Variants in RASA3 observed in about 807,000 individuals in gnomAD.
The protein encoded by RASA3 is RAS p21 protein activator 3.
In RASA3, 73 loss-of-function variants were observed where a neutral mutation model predicts 110.0. That is an observed-to-expected ratio of 0.66 (90% confidence interval 0.55 to 0.81). The LOEUF is 0.81. RASA3 is among the 30% of genes least tolerant of loss of function. RASA3 has a pLI of 0.00. For synonymous variants in RASA3, 500 were observed against 451.4 expected, an observed-to-expected ratio of 1.11 and a Z score of -1.37; for missense variants, 976 against 1,113.2, an observed-to-expected ratio of 0.88 and a Z score of 1.75.
rs114378677 is a variant in RASA3 at position 114,053,569 on chromosome 13, G to A, written c.174-1414C>T. Among the ~76,000 whole-genome samples, 916 of 152,326 alleles carry A rather than the reference G, an allele frequency of 6.0e-3. 2 individuals are homozygous for A. The highest frequency in any genetic ancestry group is 0.018 in the African/African-American group (731 of 41,554). On this transcript the variant is annotated intron_variant, in intron 2 of 23. Transcript: ENST00000334062. ...AGGTCAACGTGCTGGGCCAGGGGGC[G>A]TCCACACAGTCACCAACGGCACAGG...
chr13:113,999,499 G>A (rs2053333224), intron 20 of RASA3, 86 bp downstream of exon 20: 2 of 1,092,802 alleles, frequency 1.8e-6, no homozygotes, highest in Admixed American at 1.8e-5. Context: ...GGGGAAGGGT[G>A]AGCCCAGGGC....
chr13:114,067,074 C>T (rs1172355613), intron 2 of RASA3, among the ~76,000 whole-genome samples: 1 of 146,240 alleles, frequency 6.8e-6, no homozygotes, highest in South Asian at 2.2e-4. Context: ...GAGGACAGGC[C>T]CCCCAACCTG....
At position 114,114,756 on chromosome 13, in the gene RASA3, G is replaced by A. The variant is rs1318007636; in HGVS notation, c.55+17679C>T. On this transcript the variant is annotated intron_variant, in intron 1 of 23. Coordinates refer to ENST00000334062, the MANE Select transcript of RASA3 (RefSeq NM_007368.4). This position sits in a 1 kb window ranked among gnomAD's most constrained non-coding sequence, Gnocchi z 4.8. Reference sequence around the variant, plus strand: ...GTAAACCCGAGGGCAGGTTAAACACGCTCCCTCCAAAGCTTACTTGGCTTT... The same window carrying A: ...GTAAACCCGAGGGCAGGTTAAACACACTCCCTCCAAAGCTTACTTGGCTTT... 2.6e-5 allele frequency among the ~76,000 whole-genome samples: 4 copies of A among 152,192 alleles called. No homozygotes were observed. The highest frequency in any genetic ancestry group is 2.1e-4 in the South Asian group (1 of 4,834).
rs577352352 is a variant in RASA3, at chr13:114,127,834, C to A, written c.55+4601G>T. On this transcript the variant is annotated intron_variant, in intron 1 of 23. Transcript: ENST00000334062. The stretch of plus-strand genomic sequence containing the variant: ...AGCCCGTGGAGCTGGGGTGCTTGGG[C>A]CCAGATAAATCCGTGGGTCTCCCTT... Among the ~76,000 whole-genome samples the A allele has an allele frequency of 1.1e-4, 17 of 152,296 alleles. No homozygotes were observed. The South Asian group carries it at 3.5e-3, about 32-fold the overall frequency.
rs2053748046 is a variant in RASA3, at chr13:114,014,611, G to A, written c.1405+598C>T. Among the ~76,000 whole-genome samples the A allele has an allele frequency of 6.6e-6, 1 of 152,140 alleles. No homozygotes were observed. The highest frequency in any genetic ancestry group is 2.4e-5 in the African/African-American group (1 of 41,432). On this transcript the variant is annotated intron_variant, in intron 14 of 23. Coordinates refer to ENST00000334062, the MANE Select transcript of RASA3 (RefSeq NM_007368.4). The surrounding 1 kb of genome is among the most constrained non-coding windows in gnomAD (Gnocchi z 4.5). ...TATCGCAGGTGATGGGTGGGTGCAG[G>A]CACCCAGCTCCTCCCTGAGGGTCGG...
chr13:114,018,576 T>C (rs2053845717), intron 10 of RASA3, among the ~76,000 whole-genome samples, 187 bp downstream of exon 10: 1 of 152,180 alleles, frequency 6.6e-6, no homozygotes, highest in Non-Finnish European at 1.5e-5. Flanking sequence ...CGGCTCTAAC[T>C]GTCGACGGAC....
chr13:114,095,380 A>ACCCATT (rs2079929423), intron 1 of RASA3, among the ~76,000 whole-genome samples: 1 of 152,034 alleles, frequency 6.6e-6, no homozygotes, highest in Non-Finnish European at 1.5e-5. Flanking sequence ...GAAACCCCAT[A>ACCCATT]CCCATTCCCA....
chr13:114,122,631 G>A (rs1027277747), intron 1 of RASA3, among the ~76,000 whole-genome samples: 1 of 152,218 alleles, frequency 6.6e-6, no homozygotes, highest in East Asian at 1.9e-4. Context: ...AGGTGGGTTC[G>A]CCCCTGCCCA....
chr13:114,083,359 A>AAG (rs2079811910), intron 1 of RASA3, among the ~76,000 whole-genome samples: 2 of 152,360 alleles, frequency 1.3e-5, no homozygotes, highest in East Asian at 3.9e-4. Flanking sequence ...TGTGGTGTGA[A>AAG]CATTCCTGGC....
intron 1 of RASA3, among the ~76,000 whole-genome samples, chr13:114,124,208 C>A (rs1169635597): frequency 6.6e-6 from 1 of 152,178 alleles, no homozygotes; most frequent in Non-Finnish European, 1.5e-5. Context: ...GTGATTGTTC[C>A]AAATGTGGGA....
Position 114,008,287 on chromosome 13 carries a change from C to T in RASA3, c.1669-681G>A, listed in dbSNP as rs866497914. 1.1e-3 allele frequency among the ~76,000 whole-genome samples: 64 copies of T among 58,780 alleles called. 2 individuals carry two copies. The highest frequency in any genetic ancestry group is 9.7e-3 in the South Asian group (15 of 1,554). The allele number at this position is 58,780 out of a possible 152,430, so 38.6% of individuals were successfully genotyped here. A position where few individuals can be genotyped will look rare whatever the true frequency, so the allele number is the denominator to read the frequency against. Reference sequence around the variant, plus strand: ...TCCCCCCACGCACCGCGTTCCTGACCGTGGGGAGGAGCAGAGCCCTGCGGT... The same window carrying T: ...TCCCCCCACGCACCGCGTTCCTGACTGTGGGGAGGAGCAGAGCCCTGCGGT... On this transcript the variant is annotated intron_variant, in intron 17 of 23. Coordinates refer to ENST00000334062, the MANE Select transcript of RASA3 (RefSeq NM_007368.4).
rs1471016992 is a variant in RASA3, at chr13:114,088,162, AG to A, written c.56-14326del. ...AAATAAAAGGAAAGAGAGACACATCAGTCACAGATACACACACAACAAATCT... is the reference window on the plus strand; with the variant it reads ...AAATAAAAGGAAAGAGAGACACATCATCACAGATACACACACAACAAATCT... On this transcript the variant is annotated intron_variant, in intron 1 of 23. Transcript: ENST00000334062. Among the ~76,000 whole-genome samples, 123 of 152,210 alleles carry A rather than the reference AG, an allele frequency of 8.1e-4. 2 individuals carry two copies. The highest frequency in any genetic ancestry group is 2.1e-4 in the Non-Finnish European group (14 of 68,044).
At position 114,018,845 on chromosome 13, in the gene RASA3, A is replaced by C; in HGVS notation, c.860T>G (p.Val287Gly). The change falls in exon 10 of 24, where the codon GTG (valine) becomes GGG (glycine). Residue 287 changes from valine (V) to glycine (G), a missense_variant. Physicochemically the swap from Val to Gly is moderately radical, Grantham distance 109 (BLOSUM62 -3). Transcript: ENST00000334062. ...PDDLGSLRLN[V>G]VYTEDHVFSS... The stretch of plus-strand genomic sequence containing the variant: ...AAACACGTGGTCTTCCGTGTATACC[A>C]CGTTCAGCCGCAGGGAGCCCAGGTC... 1.2e-6 allele frequency: 2 copies of C among 1,613,830 alleles called. No individual in the cohort carries two copies. Among genetic ancestry groups the C allele is most frequent in the Non-Finnish European group, 1.7e-6 (2 of 1,179,972 alleles).
rs774085837 is a variant in RASA3 at position 114,027,506 on chromosome 13, A to T, written c.531-45T>A. 5.5e-6 allele frequency: 8 copies of T among 1,445,626 alleles called. No homozygotes were observed. The Admixed American group carries it at 1.4e-4, about 25-fold the overall frequency. The allele number at this position is 1,445,626 out of a possible 1,614,324, so 89.5% of individuals were successfully genotyped here. The stretch of plus-strand genomic sequence containing the variant: ...GATTGGGATTAAAACAACACTGCTG[A>T]TTCCAAGTCTCTCAGTGGTAAAACC... On this transcript the variant is annotated intron_variant, in intron 6 of 23. Transcript: ENST00000334062.
chr13:114,019,478 G>A (rs1432705582), intron 9 of RASA3, among the ~76,000 whole-genome samples: 3 of 152,226 alleles, frequency 2.0e-5, no homozygotes, highest in Non-Finnish European at 4.4e-5. Flanking sequence ...AAGCTCTCAG[G>A]TGGGTGGAGC....
At chr13:114,032,680 A>G (rs1386271465) in intron 4 of RASA3, among the ~76,000 whole-genome samples, 1 of 118,162 alleles carries the variant, frequency 8.5e-6, no homozygotes, top group African/African-American at 3.3e-5. Context: ...ACCACGTTCC[A>G]CGGCACCCCC....
At chr13:114,018,940 G>A (rs780813356) in intron 9 of RASA3, 21 bp from the exon 10 acceptor site, 2 of 1,612,888 alleles carry the variant, frequency 1.2e-6, no homozygotes, top group Non-Finnish European at 1.7e-6. Flanking sequence ...GGGACACATG[G>A]AGGGGAGGCA....
At chr13:114,021,632 T>C (rs2053929478) in intron 8 of RASA3, 124 bp from the exon 9 acceptor site, 3 of 727,614 alleles carry the variant, frequency 4.1e-6, no homozygotes, top group South Asian at 1.8e-5. Context: ...AGAGTCTCCA[T>C]CAAGGCTCAG....
At chr13:113,997,251 C>T (rs1234917644) in intron 20 of RASA3, among the ~76,000 whole-genome samples, 1 of 152,208 alleles carries the variant, frequency 6.6e-6, no homozygotes, top group Non-Finnish European at 1.5e-5. Flanking sequence ...CCTCTTGAAG[C>T]GTCTCGGGGC....
Sources: allele counts gnomAD v4.1 joint callset (sites outside exome capture counted in the v4.1 genomes callset), GRCh38; gene constraint gnomAD v4.1.1; non-coding constraint Gnocchi (gnomAD v3.1); transcripts MANE v1.5; gene names NCBI Gene and HGNC (gene_info 2026-07-23, HGNC 2026-07-21).